The following LRFN5 variants were observed in gnomAD, a reference collection of about 807,000 sequenced individuals.
The protein encoded by LRFN5 is leucine rich repeat and fibronectin type III domain containing 5, also known as leucine-rich repeat and fibronectin type-III domain-containing protein 5.
A neutral mutation model predicts 45.6 loss-of-function variants in LRFN5; 24 were observed. The observed-to-expected ratio is 0.53, with a 90% CI of 0.38 to 0.74. The LOEUF is 0.74. Among genes scored for constraint, LRFN5 ranks in the 30% least tolerant of loss-of-function variants. The probability of loss-of-function intolerance (pLI) is 0.00; values close to 1 mark genes in which losing one functional copy is unlikely to be tolerated. For synonymous variants in LRFN5, 340 were observed against 313.8 expected, an observed-to-expected ratio of 1.08 and a Z score of -0.88; for missense variants, 776 against 861.5, an observed-to-expected ratio of 0.90 and a Z score of 1.24.
chr14:41,876,428 C>T (rs1315031889), intron 2 of LRFN5, among the ~76,000 whole-genome samples: 1 of 149,248 alleles, frequency 6.7e-6, no homozygotes, highest in Non-Finnish European at 1.5e-5. Flanking sequence ...CTACAGGTGC[C>T]CACCACCATG....
At position 41,777,850 on chromosome 14, in the gene LRFN5, T is replaced by C. The variant is rs552819786; in HGVS notation, c.-21+10821T>C. Among the ~76,000 whole-genome samples, 8 of 151,898 alleles carry C rather than the reference T, an allele frequency of 5.3e-5. 1 individual carries two copies. The East Asian group carries it at 1.4e-3, about 26-fold the overall frequency. On this transcript the variant is annotated intron_variant, in intron 2 of 5. Transcript: ENST00000298119. ...ATAATGAACATTATGGAGATGCTAT[T>C]GCAGTAATCTGTTTTAATTTTTAAT...
intron 1 of LRFN5, among the ~76,000 whole-genome samples, chr14:41,714,526 A>G (rs960074834): frequency 6.6e-5 from 10 of 152,174 alleles, no homozygotes; most frequent in Admixed American, 5.9e-4. Context: ...TTTATTTACT[A>G]TAATCAGAAC....
Position 41,607,783 on chromosome 14 carries a change from A to C in LRFN5, c.-976A>C, listed in dbSNP as rs1425835368. 1 of 152,116 alleles carries C rather than the reference A, an allele frequency of 6.6e-6. No individual in the cohort carries two copies. Among genetic ancestry groups the C allele is most frequent in the Non-Finnish European group, 1.5e-5 (1 of 68,024 alleles). 9.4% of individuals were successfully genotyped at this position (152,116 alleles called of 1,614,324 possible). On this transcript the variant is annotated 5_prime_UTR_variant, in exon 1 of 6. Transcript: ENST00000298119. Reference sequence around the variant, plus strand: ...TTAACCTGCTTCCAGGTACATCACAAGGTCAAGAGAGTGTCTTGCAGCCCT... The same window carrying C: ...TTAACCTGCTTCCAGGTACATCACACGGTCAAGAGAGTGTCTTGCAGCCCT...
chr14:41,899,574 T>C (rs1441981432), intron 5 of LRFN5, among the ~76,000 whole-genome samples: 2 of 152,078 alleles, frequency 1.3e-5, no homozygotes, highest in Admixed American at 1.3e-4. Flanking sequence ...AGAGAGTGTG[T>C]TTCCAGAGCA....
intron 1 of LRFN5, among the ~76,000 whole-genome samples, chr14:41,688,182 G>A (rs1432021896): frequency 6.6e-6 from 1 of 152,156 alleles, no homozygotes; most frequent in East Asian, 1.9e-4. Context: ...TAGTTGGTGG[G>A]TGGGTATGCG....
chr14:41,627,559 T>C (rs1435387142), intron 1 of LRFN5, among the ~76,000 whole-genome samples: 1 of 152,190 alleles, frequency 6.6e-6, no homozygotes, highest in Non-Finnish European at 1.5e-5. Flanking sequence ...AAAATTCTCA[T>C]TGACGTCATG....
At chr14:41,865,823 A>G (rs1889820629) in intron 2 of LRFN5, among the ~76,000 whole-genome samples, 1 of 152,086 alleles carries the variant, frequency 6.6e-6, no homozygotes, top group South Asian at 2.1e-4. Flanking sequence ...TATTTGACAT[A>G]TTTTCATGTA....
chr14:41,670,244 CACAT>C (rs1881120412), intron 1 of LRFN5, among the ~76,000 whole-genome samples: 1 of 119,726 alleles, frequency 8.4e-6, no homozygotes, highest in African/African-American at 3.1e-5. Context: ...CACACACACA[CACAT>C]ACACACAGAT....
At chr14:41,635,027 C>T (rs543489735) in intron 1 of LRFN5, among the ~76,000 whole-genome samples, 3 of 151,938 alleles carry the variant, frequency 2.0e-5, no homozygotes, top group Non-Finnish European at 2.9e-5. Flanking sequence ...TCTTTACAAT[C>T]GGGGAATTAT....
intron 1 of LRFN5, among the ~76,000 whole-genome samples, chr14:41,674,869 TCTC>T (rs1881524463): frequency 7.3e-6 from 1 of 136,904 alleles, no homozygotes; most frequent in Admixed American, 7.4e-5. Context: ...GGGCGGAGGG[TCTC>T]CTCGCTTCTC....
chr14:41,888,347 A>T lies in LRFN5; in HGVS notation c.1385+337A>T, dbSNP rs561170804. On this transcript the variant is annotated intron_variant, in intron 3 of 5. Coordinates refer to ENST00000298119, the MANE Select transcript of LRFN5 (RefSeq NM_152447.5). ...CACATGAGTGTTCTTTCCTTCAAGG[A>T]AGCCACGTTGGGAGGCTATACCATT... Among the ~76,000 whole-genome samples, 3 of 152,298 alleles carry T rather than the reference A, an allele frequency of 2.0e-5. No individual in the cohort carries two copies. The South Asian group carries it at 6.2e-4, about 32-fold the overall frequency.
chr14:41,791,679 G>T (rs922805120), intron 2 of LRFN5, among the ~76,000 whole-genome samples: 1 of 152,006 alleles, frequency 6.6e-6, no homozygotes, highest in East Asian at 1.9e-4. Flanking sequence ...ACTGTGTTCA[G>T]CTTTTTTACT....
Position 41,856,685 on chromosome 14 carries a change from T to A in LRFN5, c.-20-29921T>A, listed in dbSNP as rs888926741. ...ATTATTATTATTATTATTTTTTTTTTTTTTTTTTTGAGACGGAGTCTCGTT... is the reference window on the plus strand; with the variant it reads ...ATTATTATTATTATTATTTTTTTTTATTTTTTTTTGAGACGGAGTCTCGTT... On this transcript the variant is annotated intron_variant, in intron 2 of 5. Coordinates refer to ENST00000298119, the MANE Select transcript of LRFN5 (RefSeq NM_152447.5). 5.0e-4 allele frequency among the ~76,000 whole-genome samples: 37 copies of A among 74,128 alleles called. 2 individuals carry two copies. Among genetic ancestry groups the A allele is most frequent in the African/African-American group, 1.5e-3 (31 of 20,940 alleles). The allele number at this position is 74,128 out of a possible 152,430, so 48.6% of individuals were successfully genotyped here. A position where few individuals can be genotyped will look rare whatever the true frequency, so the allele number is the denominator to read the frequency against.
intron 2 of LRFN5, among the ~76,000 whole-genome samples, chr14:41,826,341 C>G (rs1204799602): frequency 6.6e-6 from 1 of 152,180 alleles, no homozygotes; most frequent in Non-Finnish European, 1.5e-5. Flanking sequence ...TCATGGTTAA[C>G]TTCCTTTAGC....
intron 1 of LRFN5, among the ~76,000 whole-genome samples, chr14:41,717,466 G>C (rs377269860): frequency 1.3e-5 from 2 of 152,194 alleles, no homozygotes; most frequent in African/African-American, 4.8e-5. Flanking sequence ...ACATGGTGAA[G>C]CACCAGCCTT....
chr14:41,896,814 C>T (rs923336027), intron 4 of LRFN5, among the ~76,000 whole-genome samples: 1 of 151,826 alleles, frequency 6.6e-6, no homozygotes, highest in Non-Finnish European at 1.5e-5. Context: ...AGTGGTAGGC[C>T]GGGCTCAGTG....
intron 1 of LRFN5, among the ~76,000 whole-genome samples, chr14:41,761,334 AAAAG>A (rs1955161952): frequency 6.6e-6 from 1 of 152,210 alleles, no homozygotes; most frequent in South Asian, 2.1e-4. Flanking sequence ...GATACAGGAA[AAAAG>A]AAAGAAGGGA....
chr14:41,609,320 TTTG>T (rs201182514), intron 1 of LRFN5, among the ~76,000 whole-genome samples: 5 of 150,774 alleles, frequency 3.3e-5, no homozygotes, highest in South Asian at 2.1e-4. Flanking sequence ...TGCGCGTTTT[TTTG>T]TTGTTGTTGT....
intron 2 of LRFN5, among the ~76,000 whole-genome samples, chr14:41,829,775 A>G (rs528518795): frequency 6.6e-6 from 1 of 151,486 alleles, no homozygotes; most frequent in East Asian, 1.9e-4. Flanking sequence ...TTCTGATTCC[A>G]CACCTTTTTT....
Sources: gnomAD v4.1 joint callset for allele counts (sites outside exome capture counted in the v4.1 genomes callset) on GRCh38, gnomAD v4.1.1 for gene constraint, MANE v1.5 for transcripts, NCBI Gene and HGNC (gene_info 2026-07-23, HGNC 2026-07-21) for gene names.